Variants in INO80C observed in about 807,000 individuals in gnomAD.
The protein encoded by INO80C is IES6 homolog.
INO80C carries 17 observed loss-of-function variants against 17.7 expected under a neutral mutation model. The ratio of observed to expected loss-of-function variants is 0.96; its 90% CI spans 0.66 to 1.44. INO80C has a LOEUF of 1.44. Ranked by LOEUF, INO80C falls within the 40% of genes most tolerant of loss-of-function variation. INO80C has a pLI of 0.00. For missense variants in INO80C, 244 were observed against 245.0 expected (o/e 1.00, Z 0.03); for synonymous variants, 96 against 95.8 (o/e 1.00, Z -0.01).
chr18:35,473,571 C>T lies in INO80C; in HGVS notation c.447+4711G>A, dbSNP rs2045696167. ...TGGGCTGGGCTATGCATGTTCAAGG[C>T]AAGACTATATACGTCTTACTGGAGA... On this transcript the variant is annotated intron_variant, in intron 4 of 4. Transcript: ENST00000334598. Among the ~76,000 whole-genome samples, 4 of 152,236 alleles carry T rather than the reference C, an allele frequency of 2.6e-5. No individual in the cohort carries two copies. The South Asian group carries it at 8.3e-4, about 32-fold the overall frequency.
intron 4 of INO80C, among the ~76,000 whole-genome samples, chr18:35,472,619 C>T (rs1259822326): frequency 6.6e-6 from 1 of 152,166 alleles, no homozygotes; most frequent in Admixed American, 6.5e-5. Flanking sequence ...GCCTATAAGG[C>T]ATATTGCAAG....
At chr18:35,475,382 A>C (rs1009014049) in intron 4 of INO80C, among the ~76,000 whole-genome samples, 2 of 152,224 alleles carry the variant, frequency 1.3e-5, no homozygotes, top group Admixed American at 6.5e-5. Context: ...AAAAGGAAGA[A>C]CAAGGCTGGG....
chr18:35,477,157 T>A (rs1288885230), intron 4 of INO80C, among the ~76,000 whole-genome samples: 1 of 152,150 alleles, frequency 6.6e-6, no homozygotes, highest in East Asian at 1.9e-4. Context: ...GGCAGGATAA[T>A]CGCTTGAACC....
At chr18:35,482,584 T>C (rs2045824110) in intron 1 of INO80C, among the ~76,000 whole-genome samples, 1 of 152,160 alleles carries the variant, frequency 6.6e-6, no homozygotes, top group Admixed American at 6.6e-5. Context: ...CGCCACCTTC[T>C]GTCTGGATTC....
chr18:35,484,402 C>CAATG (rs1881116134), intron 1 of INO80C, among the ~76,000 whole-genome samples: 1 of 152,072 alleles, frequency 6.6e-6, no homozygotes. Context: ...AGACTGGAAA[C>CAATG]AATGAACAAT....
chr18:35,475,210 T>C (rs1057145628), intron 4 of INO80C, among the ~76,000 whole-genome samples: 2 of 152,072 alleles, frequency 1.3e-5, no homozygotes, highest in African/African-American at 2.4e-5. Flanking sequence ...AAACATTACA[T>C]AGAGATGAAC....
At chr18:35,478,229 A>G (rs1482357557) in intron 4 of INO80C, 53 bp downstream of exon 4, 1 of 1,316,138 alleles carries the variant, frequency 7.6e-7, no homozygotes, top group Non-Finnish European at 1.1e-6. Context: ...CTAATTAGAC[A>G]TTACTGTGAA....
intron 1 of INO80C, among the ~76,000 whole-genome samples, chr18:35,492,533 A>C (rs568926010): frequency 1.7e-4 from 15 of 87,058 alleles, no homozygotes; most frequent in Non-Finnish European, 3.2e-4. Flanking sequence ...TTTTATGTCA[A>C]TTTTAAAAAT....
At chr18:35,497,507 T>A in intron 1 of INO80C, 3 of 1,364,994 alleles carry the variant, frequency 2.2e-6, no homozygotes, top group East Asian at 3.1e-5. Context: ...CCTCCCTACT[T>A]CTTCTTCTCT....
rs1462061523 is a variant in INO80C, at chr18:35,497,914, C to T, written c.-40G>A. 11 of 1,490,526 alleles carry T rather than the reference C, an allele frequency of 7.4e-6. No homozygotes were observed. Among genetic ancestry groups the T allele is most frequent in the East Asian group, 2.6e-5 (1 of 38,332 alleles). The allele number at this position is 1,490,526 out of a possible 1,614,324, so 92.3% of individuals were successfully genotyped here. A position where few individuals can be genotyped will look rare whatever the true frequency, so the allele number is the denominator to read the frequency against. ...TCCCCTGGTCCCCCCACCTTTTTCC[C>T]AGCGCGGGCCTTGGAACTTCCTTTC... On this transcript the variant is annotated 5_prime_UTR_variant, in exon 1 of 5. Coordinates refer to ENST00000334598, the MANE Select transcript of INO80C (RefSeq NM_194281.4).
chr18:35,483,873 C>CT (rs1452165229), intron 1 of INO80C, among the ~76,000 whole-genome samples: 2 of 152,106 alleles, frequency 1.3e-5, no homozygotes, highest in Non-Finnish European at 2.9e-5. Flanking sequence ...CTGAGTATAG[C>CT]TTTTTGTAGA....
At chr18:35,469,419 C>T (rs1416229796) in intron 4 of INO80C, among the ~76,000 whole-genome samples, 2 of 152,206 alleles carry the variant, frequency 1.3e-5, no homozygotes, top group Non-Finnish European at 2.9e-5. Flanking sequence ...TTGTCCTCAG[C>T]CTCCTCCTCA....
chr18:35,487,676 C>T (rs545947274), intron 1 of INO80C: 1 of 156,766 alleles, frequency 6.4e-6, no homozygotes, highest in East Asian at 1.9e-4. Context: ...CCGCCCCCGG[C>T]CCCTCCCAAA....
intron 1 of INO80C, among the ~76,000 whole-genome samples, chr18:35,484,768 A>G (rs981674770): frequency 2.0e-5 from 3 of 152,214 alleles, no homozygotes; most frequent in African/African-American, 4.8e-5. Flanking sequence ...CCAATCCAGC[A>G]CATATACTGA....
chr18:35,474,207 CTATATATATATATATATATATATATA>C (rs58465669), intron 4 of INO80C, among the ~76,000 whole-genome samples: 8 of 58,020 alleles, frequency 1.4e-4, no homozygotes, highest in Non-Finnish European at 2.3e-4. Context: ...GTGTGTGTGT[CTATATATATATATATATATATATATA>C]TATATATATA....
intron 4 of INO80C, among the ~76,000 whole-genome samples, chr18:35,475,821 A>G (rs1352196156): frequency 6.6e-6 from 1 of 152,240 alleles, no homozygotes; most frequent in East Asian, 1.9e-4. Context: ...TTGGAAATAG[A>G]CAACAAAATG....
At chr18:35,471,077 G>C (rs1016241191) in intron 4 of INO80C, among the ~76,000 whole-genome samples, 1 of 152,222 alleles carries the variant, frequency 6.6e-6, no homozygotes, top group African/African-American at 2.4e-5. Context: ...CTAGGCACAG[G>C]GGAAAGAGTC....
At position 35,468,624 on chromosome 18, in the gene INO80C, C is replaced by G. The variant is rs2144015213; in HGVS notation, c.566G>C (p.Ser189Thr). Residue 189 changes from serine (S) to threonine (T), a missense_variant, in exon 5 of 5, where the codon AGC becomes ACC. Physicochemically the swap from Ser to Thr is moderately conservative, Grantham distance 58. Transcript: ENST00000334598. Reference protein sequence around the residue: ...TGYLALRKATSIVP With the variant: ...TGYLALRKATTIVP ...CCTTTCTGGGGCTCAGGGAACGATG[C>G]TCGTGGCCTTCCTCAGGGCCAGGTA... 1 of 1,614,134 alleles carries G rather than the reference C, an allele frequency of 6.2e-7. No individual in the cohort carries two copies. The highest frequency in any genetic ancestry group is 2.2e-5 in the East Asian group (1 of 44,880).
rs540522159 is a variant in INO80C, at chr18:35,484,462, T to C, written c.157-3899A>G. 2.4e-4 allele frequency among the ~76,000 whole-genome samples: 37 copies of C among 152,278 alleles called. 1 individual carries two copies. Among genetic ancestry groups the C allele is most frequent in the African/African-American group, 8.7e-4 (36 of 41,560 alleles). On this transcript the variant is annotated intron_variant, in intron 1 of 4. Transcript: ENST00000334598. ...CTTTCTAAATACAATCAGCCCTCCATATAGAGGAGTTCTGCATCCATGGAT... is the reference window on the plus strand; with the variant it reads ...CTTTCTAAATACAATCAGCCCTCCACATAGAGGAGTTCTGCATCCATGGAT...
Sources: gnomAD v4.1 joint callset for allele counts (sites outside exome capture counted in the v4.1 genomes callset) on GRCh38, gnomAD v4.1.1 for gene constraint, MANE v1.5 for transcripts, NCBI Gene and HGNC (gene_info 2026-07-23, HGNC 2026-07-21) for gene names.